Variants in LAMC1 observed in about 807,000 individuals in gnomAD.
LAMC1 encodes the protein laminin subunit gamma-1.
A neutral mutation model predicts 173.6 loss-of-function variants in LAMC1; 38 were observed. The ratio of observed to expected loss-of-function variants is 0.22; its 90% CI spans 0.17 to 0.29. The LOEUF (loss-of-function observed/expected upper bound fraction) is 0.29. LAMC1 is among the 10% of genes least tolerant of loss of function. The pLI is 1.00. For missense variants in LAMC1, 1,824 were observed against 2,051.8 expected, an observed-to-expected ratio of 0.89 and a Z score of 2.14; for synonymous variants, 746 against 749.1, an observed-to-expected ratio of 1.00 and a Z score of 0.07.
At chr1:183,108,149 A>G in intron 2 of LAMC1, 127 bp from the exon 3 acceptor site, 1 of 760,154 alleles carries the variant, frequency 1.3e-6, no homozygotes, top group South Asian at 1.6e-5. Flanking sequence ...GTATTATAAT[A>G]GATTTAGTGC....
At chr1:183,077,932 A>G (rs529828602) in intron 1 of LAMC1, among the ~76,000 whole-genome samples, 3 of 151,846 alleles carry the variant, frequency 2.0e-5, no homozygotes, top group Non-Finnish European at 4.4e-5. Flanking sequence ...TGTTTGGGGC[A>G]ATAAGTTGTC....
chr1:183,083,553 C>G (rs1655343416), intron 1 of LAMC1, among the ~76,000 whole-genome samples: 2 of 152,272 alleles, frequency 1.3e-5, no homozygotes, highest in South Asian at 4.1e-4. Context: ...TGAATCATAA[C>G]ATGAAATTTA....
chr1:183,143,050 G>A lies in LAMC1; in HGVS notation c.*260G>A, dbSNP rs73036978. ...ACCCACACTTTCCCTTCTGATTTGC[G>A]TGAGGACGTGGCATCCTACGTTACT... On this transcript the variant is annotated 3_prime_UTR_variant, in exon 28 of 28. Coordinates refer to ENST00000258341, the MANE Select transcript of LAMC1 (RefSeq NM_002293.4). 2,601 of 407,162 alleles carry A rather than the reference G, an allele frequency of 6.4e-3. 68 individuals are homozygous for A. The highest frequency in any genetic ancestry group is 0.048 in the African/African-American group (2,361 of 49,654). 25.2% of individuals were successfully genotyped at this position (407,162 alleles called of 1,614,324 possible). A position where few individuals can be genotyped will look rare whatever the true frequency, so the allele number is the denominator to read the frequency against.
chr1:183,045,029 C>T (rs1172824609), intron 1 of LAMC1, among the ~76,000 whole-genome samples: 4 of 151,682 alleles, frequency 2.6e-5, no homozygotes, highest in Non-Finnish European at 5.9e-5. Flanking sequence ...TTCCAGTGAA[C>T]CCAGGGATTA....
At chr1:183,086,818 T>G (rs1237079278) in intron 1 of LAMC1, among the ~76,000 whole-genome samples, 1 of 152,254 alleles carries the variant, frequency 6.6e-6, no homozygotes, top group Admixed American at 6.5e-5. Flanking sequence ...TTCATGTCTC[T>G]GATGTCCTTC....
chr1:183,114,394 T>C, intron 4 of LAMC1, 137 bp from the exon 5 acceptor site: 1 of 873,138 alleles, frequency 1.1e-6, no homozygotes, highest in Middle Eastern at 2.3e-4. Context: ...TAATGAACAG[T>C]GCATCTGGTA....
At chr1:183,058,084 ATATT>A (rs1654643149) in intron 1 of LAMC1, among the ~76,000 whole-genome samples, 1 of 152,040 alleles carries the variant, frequency 6.6e-6, no homozygotes, top group African/African-American at 2.4e-5. Flanking sequence ...GTTCTCTTTC[ATATT>A]TATTTTTTGT....
chr1:183,046,429 A>G (rs866215545), intron 1 of LAMC1, among the ~76,000 whole-genome samples: 7 of 151,472 alleles, frequency 4.6e-5, no homozygotes, highest in African/African-American at 1.5e-4. Context: ...TTGAATTGAC[A>G]TCTTTATTAT....
rs1656749961 is a variant in LAMC1 at position 183,130,403 on chromosome 1, A to C, written c.3340A>C (p.Ile1114Leu). Residue 1114 changes from isoleucine to leucine, a missense_variant, in exon 19 of 28, where the codon ATT becomes CTT. Coordinates refer to ENST00000258341, the MANE Select transcript of LAMC1 (RefSeq NM_002293.4). ...QRVNNTLSSQISRLQNIRNTI... is the reference protein window; with the variant it reads ...QRVNNTLSSQLSRLQNIRNTI... Reference sequence around the variant, plus strand: ...AGTGAATAACACTCTGTCCAGCCAAATTAGCCGTTTACAGAATATCCGGAA... The same window carrying C: ...AGTGAATAACACTCTGTCCAGCCAACTTAGCCGTTTACAGAATATCCGGAA... 5 of 1,614,238 alleles carry C rather than the reference A, an allele frequency of 3.1e-6. No individual in the cohort carries two copies. Among genetic ancestry groups the C allele is most frequent in the Non-Finnish European group, 4.2e-6 (5 of 1,180,040 alleles).
intron 2 of LAMC1, 47 bp downstream of exon 2, chr1:183,103,679 C>T (rs781536583): frequency 1.1e-5 from 16 of 1,483,904 alleles, no homozygotes; most frequent in African/African-American, 2.8e-5. Context: ...CTACAACATG[C>T]GAGGTGTGGG....
At chr1:183,122,639 C>T (rs1656508196) in intron 13 of LAMC1, among the ~76,000 whole-genome samples, 1 of 152,206 alleles carries the variant, frequency 6.6e-6, no homozygotes, top group Non-Finnish European at 1.5e-5. Context: ...ACTTGCCTTT[C>T]CACATCCCTG....
intron 3 of LAMC1, 115 bp downstream of exon 3, chr1:183,108,521 A>G: frequency 1.1e-6 from 1 of 885,904 alleles, no homozygotes; most frequent in South Asian, 1.7e-5. Flanking sequence ...CTTTACCAAG[A>G]ATAGGAGCGG....
At chr1:183,110,094 C>T (rs943053785) in intron 3 of LAMC1, among the ~76,000 whole-genome samples, 2 of 152,120 alleles carry the variant, frequency 1.3e-5, no homozygotes, top group African/African-American at 4.8e-5. Flanking sequence ...GTTTTACAGG[C>T]GAGGCACAGA....
chr1:183,113,705 A>G (rs1056264737), intron 4 of LAMC1, among the ~76,000 whole-genome samples: 2 of 152,072 alleles, frequency 1.3e-5, no homozygotes, highest in African/African-American at 4.8e-5. Flanking sequence ...ACTAATTTTG[A>G]CCCATATGTC....
chr1:183,111,404 A>G (rs6686682), intron 4 of LAMC1, among the ~76,000 whole-genome samples: 78,240 of 151,640 alleles, frequency 0.52, 20,834 homozygotes, highest in South Asian at 0.65. Flanking sequence ...ATTTTTTCTC[A>G]AAACTATTTT....
At chr1:183,103,229 ATT>A in intron 1 of LAMC1, 97 bp from the exon 2 acceptor site, 2 of 1,138,222 alleles carry the variant, frequency 1.8e-6, no homozygotes, top group Non-Finnish European at 2.5e-6. Flanking sequence ...GTACAAGGAG[ATT>A]TATATCCTTT....
intron 1 of LAMC1, among the ~76,000 whole-genome samples, chr1:183,053,765 A>G (rs1430258101): frequency 6.6e-6 from 1 of 152,046 alleles, no homozygotes; most frequent in East Asian, 1.9e-4. Context: ...AGCTGGGATT[A>G]CAGGCGCACA....
intron 1 of LAMC1, among the ~76,000 whole-genome samples, chr1:183,088,113 A>G (rs1259836349): frequency 2.0e-5 from 3 of 152,042 alleles, no homozygotes; most frequent in Non-Finnish European, 2.9e-5. Context: ...AGAAAGGTCT[A>G]TTTTCTTTGA....
intron 2 of LAMC1, among the ~76,000 whole-genome samples, chr1:183,106,396 C>T (rs1431608705): frequency 6.6e-6 from 1 of 152,174 alleles, no homozygotes; most frequent in Non-Finnish European, 1.5e-5. Flanking sequence ...ATGGTGAAAT[C>T]GTCGTCTCTT....
Sources: allele counts gnomAD v4.1 joint callset (sites outside exome capture counted in the v4.1 genomes callset), GRCh38; gene constraint gnomAD v4.1.1; transcripts MANE v1.5; gene names NCBI Gene and HGNC (gene_info 2026-07-23, HGNC 2026-07-21).